CHRM3: variants seen among roughly 807,000 people sequenced by gnomAD.
CHRM3 encodes muscarinic acetylcholine receptor M3.
In CHRM3, 11 loss-of-function variants were observed where a neutral mutation model predicts 41.8. The observed-to-expected ratio is 0.26, with a 90% CI of 0.17 to 0.44. The LOEUF (loss-of-function observed/expected upper bound fraction) is 0.44. CHRM3 is among the 20% of genes least tolerant of loss of function. The probability of loss-of-function intolerance (pLI) is 1.00; values close to 1 mark genes in which losing one functional copy is unlikely to be tolerated. For synonymous variants in CHRM3, 297 were observed against 301.4 expected, an observed-to-expected ratio of 0.99 and a Z score of 0.15; for missense variants, 571 against 745.4, an observed-to-expected ratio of 0.77 and a Z score of 2.72.
At chr1:239,694,325 A>G (rs1659985415) in intron 5 of CHRM3, among the ~76,000 whole-genome samples, 1 of 152,220 alleles carries the variant, frequency 6.6e-6, no homozygotes, top group Non-Finnish European at 1.5e-5. Context: ...TCTCTGCCTC[A>G]CTGTGAAAAC....
At chr1:239,411,765 C>CT (rs1452168910) in intron 1 of CHRM3, among the ~76,000 whole-genome samples, 2 of 133,946 alleles carry the variant, frequency 1.5e-5, no homozygotes, top group African/African-American at 5.4e-5. Flanking sequence ...GGATTGGACT[C>CT]TAATTGTTAT....
chr1:239,392,779 AG>A (rs1659153854), intron 1 of CHRM3, among the ~76,000 whole-genome samples: 2 of 152,224 alleles, frequency 1.3e-5, no homozygotes, highest in South Asian at 4.1e-4. Context: ...AGGAAAAAGG[AG>A]CTGCTAACAG....
intron 5 of CHRM3, among the ~76,000 whole-genome samples, chr1:239,771,607 T>C (rs951453165): frequency 1.3e-5 from 2 of 152,214 alleles, no homozygotes; most frequent in Non-Finnish European, 2.9e-5. Flanking sequence ...GTGTACATAA[T>C]GTAGACCAAG....
At chr1:239,402,197 C>T (rs1351663330) in intron 1 of CHRM3, among the ~76,000 whole-genome samples, 1 of 152,190 alleles carries the variant, frequency 6.6e-6, no homozygotes, top group African/African-American at 2.4e-5. Context: ...ACTCTTCCTA[C>T]TTTTCCTATA....
At chr1:239,810,953 C>A (rs1450979653) in intron 5 of CHRM3, among the ~76,000 whole-genome samples, 4 of 152,216 alleles carry the variant, frequency 2.6e-5, no homozygotes, top group Non-Finnish European at 5.9e-5. Context: ...CCAAAGAAAT[C>A]CTTGGAATCG....
intron 3 of CHRM3, among the ~76,000 whole-genome samples, chr1:239,619,199 G>A (rs992764157): frequency 1.3e-5 from 2 of 152,094 alleles, no homozygotes; most frequent in African/African-American, 2.4e-5. Flanking sequence ...ACAGATGTGA[G>A]CCACTGCGCC....
At chr1:239,662,312 G>T (rs184167652) in intron 4 of CHRM3, among the ~76,000 whole-genome samples, 47 of 152,240 alleles carry the variant, frequency 3.1e-4, no homozygotes, top group African/African-American at 1.1e-3. Context: ...GGTATGAAGT[G>T]TGATTGACAT....
intron 5 of CHRM3, among the ~76,000 whole-genome samples, chr1:239,697,497 CAGA>C (rs1660307578): frequency 6.6e-6 from 1 of 152,010 alleles, no homozygotes; most frequent in South Asian, 2.1e-4. Context: ...TAGCATGTTT[CAGA>C]AGGAGAAGCA....
At chr1:239,539,675 G>A (rs1257665481) in intron 2 of CHRM3, among the ~76,000 whole-genome samples, 5 of 152,110 alleles carry the variant, frequency 3.3e-5, no homozygotes, top group African/African-American at 1.2e-4. Flanking sequence ...TATTGTCTAG[G>A]CTGGAGTGCA....
chr1:239,452,154 A>C (rs1015725439), intron 1 of CHRM3, among the ~76,000 whole-genome samples: 2 of 152,220 alleles, frequency 1.3e-5, no homozygotes, highest in Non-Finnish European at 2.9e-5. Context: ...GGAAAAAGCT[A>C]TTCTCATGTT....
At chr1:239,851,318 A>G (rs1572487003) in intron 6 of CHRM3, among the ~76,000 whole-genome samples, 1 of 152,362 alleles carries the variant, frequency 6.6e-6, no homozygotes, top group African/African-American at 2.4e-5. Context: ...GAAAGATCCT[A>G]AAAGTTATAA....
At chr1:239,722,511 C>T (rs956356609) in intron 5 of CHRM3, among the ~76,000 whole-genome samples, 2 of 151,892 alleles carry the variant, frequency 1.3e-5, no homozygotes, top group African/African-American at 4.8e-5. Flanking sequence ...ATATCATTGC[C>T]TATAGGAGTT....
chr1:239,389,093 A>G (rs979731494), intron 1 of CHRM3, among the ~76,000 whole-genome samples: 1 of 152,216 alleles, frequency 6.6e-6, no homozygotes, highest in East Asian at 1.9e-4. Context: ...TGCGTCATTA[A>G]TCGAATGAAC....
At chr1:239,580,697 A>ATG (rs1662798443) in intron 3 of CHRM3, among the ~76,000 whole-genome samples, 1 of 135,430 alleles carries the variant, frequency 7.4e-6, no homozygotes, top group African/African-American at 2.8e-5. Context: ...TTTTATATAT[A>ATG]TATATATACA....
intron 3 of CHRM3, among the ~76,000 whole-genome samples, chr1:239,607,204 T>A (rs186315791): frequency 1.3e-5 from 2 of 152,106 alleles, no homozygotes. Flanking sequence ...CCCTGCAGCA[T>A]TCACTTAATG....
Position 239,554,411 on chromosome 1 carries a change from G to A in CHRM3, c.-313+8662G>A, listed in dbSNP as rs543322129. Among the ~76,000 whole-genome samples, 26 of 152,142 alleles carry A rather than the reference G, an allele frequency of 1.7e-4. No individual in the cohort carries two copies. In the East Asian group the frequency reaches 4.8e-3, roughly 28 times the overall value. On this transcript the variant is annotated intron_variant, in intron 3 of 6. Transcript: ENST00000676153. Reference sequence around the variant, plus strand: ...ACAGAATTTACATTTCTAGGTAGCTGTTAGAGGTGGGTAGGGGCAGGATGT... The same window carrying A: ...ACAGAATTTACATTTCTAGGTAGCTATTAGAGGTGGGTAGGGGCAGGATGT...
intron 5 of CHRM3, among the ~76,000 whole-genome samples, chr1:239,799,442 G>A (rs1348941526): frequency 1.3e-5 from 2 of 152,064 alleles, no homozygotes; most frequent in Non-Finnish European, 2.9e-5. Flanking sequence ...CGCTGTTTTC[G>A]CTCCAGGCAC....
chr1:239,495,384 C>T (rs542227862), intron 2 of CHRM3, among the ~76,000 whole-genome samples: 11 of 152,312 alleles, frequency 7.2e-5, no homozygotes, highest in South Asian at 6.2e-4. Flanking sequence ...TATCTATCTT[C>T]CCTCTAATTA....
At chr1:239,617,836 A>G (rs1409706042) in intron 3 of CHRM3, among the ~76,000 whole-genome samples, 2 of 152,150 alleles carry the variant, frequency 1.3e-5, no homozygotes, top group African/African-American at 4.8e-5. Flanking sequence ...TTCTTCACAC[A>G]CACATGCTCA....
Sources: allele counts gnomAD v4.1 joint callset (sites outside exome capture counted in the v4.1 genomes callset), GRCh38; gene constraint gnomAD v4.1.1; transcripts MANE v1.5; gene names NCBI Gene and HGNC (gene_info 2026-07-23, HGNC 2026-07-21).